PTPRK: variants seen among roughly 807,000 people sequenced by gnomAD.
PTPRK encodes the protein protein tyrosine phosphatase receptor type K.
Under a neutral mutation model 178.0 loss-of-function variants are expected in PTPRK, and 75 were observed. The ratio of observed to expected loss-of-function variants is 0.42; its 90% CI spans 0.35 to 0.51. PTPRK has a LOEUF of 0.51. Among genes scored for constraint, PTPRK ranks in the 20% least tolerant of loss-of-function variants. The pLI is 0.02. For synonymous variants in PTPRK, 637 were observed against 620.6 expected, an observed-to-expected ratio of 1.03 and a Z score of -0.39; for missense variants, 1,441 against 1,797.8, an observed-to-expected ratio of 0.80 and a Z score of 3.59.
chr6:128,305,970 A>G (rs564768672), intron 3 of PTPRK, among the ~76,000 whole-genome samples: 1 of 152,376 alleles, frequency 6.6e-6, no homozygotes, highest in East Asian at 1.9e-4. Flanking sequence ...GCAAAGGCGA[A>G]GCAGATATCT....
intron 7 of PTPRK, among the ~76,000 whole-genome samples, chr6:128,124,047 T>G (rs1002599335): frequency 6.6e-6 from 1 of 151,886 alleles, no homozygotes; most frequent in Non-Finnish European, 1.5e-5. Context: ...AACTTGTTTT[T>G]TTTTTTTTTT....
intron 3 of PTPRK, among the ~76,000 whole-genome samples, chr6:128,257,531 C>T (rs918251325): frequency 3.9e-5 from 6 of 152,002 alleles, no homozygotes; most frequent in East Asian, 1.9e-4. Flanking sequence ...TGCATACCTA[C>T]GTGTACAATA....
chr6:128,456,429 G>T lies in PTPRK; in HGVS notation c.101-58741C>A, dbSNP rs181100026. Among the ~76,000 whole-genome samples, 300 of 151,936 alleles carry T rather than the reference G, an allele frequency of 2.0e-3. 1 individual carries two copies. The highest frequency in any genetic ancestry group is 5.4e-3 in the South Asian group (26 of 4,812). The stretch of plus-strand genomic sequence containing the variant: ...TTGTAAGTAGGAATCAAATGTAATT[G>T]TTTACCCTGAGTAAAAAAAATGAGT... On this transcript the variant is annotated intron_variant, in intron 1 of 29. Transcript: ENST00000368226.
chr6:128,053,839 G>T (rs933709608), intron 13 of PTPRK, among the ~76,000 whole-genome samples: 3 of 152,072 alleles, frequency 2.0e-5, no homozygotes, highest in Admixed American at 6.6e-5. Flanking sequence ...GTCCTACCAT[G>T]CTCTGCCCCA....
chr6:128,184,300 T>C (rs1469138649), intron 7 of PTPRK, 132 bp downstream of exon 7: 2 of 931,544 alleles, frequency 2.1e-6, no homozygotes, highest in African/African-American at 1.7e-5. Flanking sequence ...ATGATTTATG[T>C]AATTCATTGG....
At chr6:128,221,253 G>A (rs1276722573) in intron 5 of PTPRK, among the ~76,000 whole-genome samples, 3 of 151,978 alleles carry the variant, frequency 2.0e-5, no homozygotes, top group South Asian at 2.1e-4. Flanking sequence ...GGCCAGGCGC[G>A]GTGGCTCACG....
intron 2 of PTPRK, among the ~76,000 whole-genome samples, chr6:128,341,992 C>T (rs529561114): frequency 1.3e-5 from 2 of 152,296 alleles, no homozygotes; most frequent in East Asian, 1.9e-4. Context: ...GTGGCTCACG[C>T]CTGTAATCCC....
chr6:128,483,451 G>C (rs577369032), intron 1 of PTPRK, among the ~76,000 whole-genome samples: 14 of 152,020 alleles, frequency 9.2e-5, no homozygotes, highest in African/African-American at 2.7e-4. Flanking sequence ...TATTAATTTT[G>C]ATTTTTCATT....
At chr6:128,013,308 T>C (rs919440318) in intron 13 of PTPRK, among the ~76,000 whole-genome samples, 1 of 151,538 alleles carries the variant, frequency 6.6e-6, no homozygotes, top group East Asian at 1.9e-4. Flanking sequence ...ACTTTCTGGC[T>C]TGGTGATCTT....
At chr6:128,118,199 G>A (rs547303079) in intron 7 of PTPRK, among the ~76,000 whole-genome samples, 2 of 152,284 alleles carry the variant, frequency 1.3e-5, no homozygotes, top group East Asian at 1.9e-4. Context: ...ATCCATCAGA[G>A]TTTTTGGTGA....
At chr6:128,262,856 C>CAAAAAA (rs1818382478) in intron 3 of PTPRK, among the ~76,000 whole-genome samples, 1 of 109,786 alleles carries the variant, frequency 9.1e-6, no homozygotes, top group Admixed American at 8.4e-5. Context: ...AAACCAATAA[C>CAAAAAA]CAAAAAAAAA....
At chr6:128,338,159 G>A (rs1374558560) in intron 2 of PTPRK, among the ~76,000 whole-genome samples, 1 of 152,170 alleles carries the variant, frequency 6.6e-6, no homozygotes, top group African/African-American at 2.4e-5. Context: ...TGGCCACAAT[G>A]TATAAAACAT....
intron 3 of PTPRK, among the ~76,000 whole-genome samples, chr6:128,299,569 A>G (rs1477418662): frequency 6.6e-6 from 1 of 151,560 alleles, no homozygotes; most frequent in Non-Finnish European, 1.5e-5. Flanking sequence ...ATAATGCCGC[A>G]TATCTACAAC....
chr6:128,444,985 TA>T (rs1332640419), intron 1 of PTPRK, among the ~76,000 whole-genome samples: 1 of 151,882 alleles, frequency 6.6e-6, no homozygotes, highest in African/African-American at 2.4e-5. Flanking sequence ...ACCATAAATA[TA>T]CTTACATATA....
intron 9 of PTPRK, 129 bp downstream of exon 9, chr6:128,083,581 TAAAAC>T: frequency 2.3e-6 from 1 of 436,812 alleles, no homozygotes; most frequent in East Asian, 3.5e-5. Context: ...ATCTGTAAAT[TAAAAC>T]AAAGGAGAAT....
intron 2 of PTPRK, among the ~76,000 whole-genome samples, chr6:128,341,437 CTG>C (rs1831644068): frequency 6.6e-6 from 1 of 152,058 alleles, no homozygotes; most frequent in African/African-American, 2.4e-5. Context: ...ATACCAATAA[CTG>C]TAGATTAAGA....
intron 3 of PTPRK, among the ~76,000 whole-genome samples, chr6:128,257,318 C>T (rs1768357): frequency 0.061 from 9,150 of 151,010 alleles, 758 homozygotes; most frequent in African/African-American, 0.19. Flanking sequence ...TGCCTTTTTT[C>T]ATTTTATTTT....
At chr6:128,036,684 T>C (rs1776274661) in intron 13 of PTPRK, among the ~76,000 whole-genome samples, 2 of 151,576 alleles carry the variant, frequency 1.3e-5, no homozygotes, top group Admixed American at 6.6e-5. Context: ...GAACCTACCA[T>C]TCATCCTTGA....
Position 128,125,602 on chromosome 6 carries a change from CTTTTTTT to C in PTPRK, c.1163-35617_1163-35611del, listed in dbSNP as rs869038931. Among the ~76,000 whole-genome samples the C allele has an allele frequency of 7.1e-3, 488 of 68,348 alleles. 1 individual carries two copies. The highest frequency in any genetic ancestry group is 0.014 in the African/African-American group (238 of 16,432). The allele number at this position is 68,348 out of a possible 152,430, so 44.8% of individuals were successfully genotyped here. ...CTAATACACTTGCCTTTGGGCTTTT[CTTTTTTT>C]TTTTTTTTTTTTTTTTTTTCGATGA... is the stretch of plus-strand genomic sequence containing the variant. On this transcript the variant is annotated intron_variant, in intron 7 of 29. Transcript: ENST00000368226.
Sources: allele counts gnomAD v4.1 joint callset (sites outside exome capture counted in the v4.1 genomes callset), GRCh38; gene constraint gnomAD v4.1.1; transcripts MANE v1.5; gene names NCBI Gene and HGNC (gene_info 2026-07-23, HGNC 2026-07-21).